Variants in CHRNA7 observed in about 807,000 individuals in gnomAD.
CHRNA7 encodes cholinergic receptor nicotinic alpha 7 subunit, also known as neuronal acetylcholine receptor subunit alpha-7.
In CHRNA7, 17 loss-of-function variants were observed where a neutral mutation model predicts 48.0. The observed-to-expected ratio is 0.35, with a 90% CI of 0.24 to 0.53. The LOEUF is 0.53. Ranked by LOEUF, CHRNA7 falls within the 20% of genes least tolerant of loss-of-function variation. CHRNA7 has a pLI of 0.92. For missense variants in CHRNA7, 155 were observed against 577.7 expected, an observed-to-expected ratio of 0.27 and a Z score of 7.50; for synonymous variants, 75 against 242.3, an observed-to-expected ratio of 0.31 and a Z score of 6.41.
intron 2 of CHRNA7, among the ~76,000 whole-genome samples, chr15:32,083,598 G>A (rs1385901802): frequency 6.6e-6 from 1 of 152,124 alleles, no homozygotes; most frequent in Non-Finnish European, 1.5e-5. Flanking sequence ...GATGGTGTGG[G>A]ACAGAAATTC....
chr15:32,081,032 G>T (rs900538257), intron 2 of CHRNA7, among the ~76,000 whole-genome samples: 3 of 152,152 alleles, frequency 2.0e-5, no homozygotes, highest in African/African-American at 7.2e-5. Flanking sequence ...GCAAACTAAT[G>T]CAGGAACAGA....
chr15:32,115,525 C>T (rs1297324291), intron 4 of CHRNA7, among the ~76,000 whole-genome samples: 1 of 152,058 alleles, frequency 6.6e-6, no homozygotes, highest in East Asian at 1.9e-4. Flanking sequence ...CTCTCCAGCC[C>T]TACTGCTTGT....
intron 2 of CHRNA7, among the ~76,000 whole-genome samples, chr15:32,096,178 G>A (rs1401353058): frequency 5.3e-5 from 8 of 152,190 alleles, no homozygotes; most frequent in South Asian, 2.1e-4. Flanking sequence ...GCCAAAATGC[G>A]TTGTTTGCGT....
chr15:32,124,518 A>T (rs1242634356), intron 4 of CHRNA7, among the ~76,000 whole-genome samples: 1 of 152,240 alleles, frequency 6.6e-6, no homozygotes, highest in Non-Finnish European at 1.5e-5. Flanking sequence ...ATTTGTATCT[A>T]ACAAATATTT....
intron 4 of CHRNA7, among the ~76,000 whole-genome samples, chr15:32,125,540 T>TC (rs5811683): frequency 0.57 from 86,960 of 151,912 alleles, 25,553 homozygotes; most frequent in African/African-American, 0.7. Context: ...GCTGCAGTCT[T>TC]CTGGGGTCAA....
intron 4 of CHRNA7, among the ~76,000 whole-genome samples, chr15:32,122,298 G>T (rs371837580): frequency 1.4e-4 from 21 of 152,236 alleles, no homozygotes; most frequent in African/African-American, 5.1e-4. Context: ...AGCACCCTTA[G>T]ATTAAAAATA....
chr15:32,044,998 C>T (rs1395214912), intron 2 of CHRNA7, among the ~76,000 whole-genome samples: 1 of 152,214 alleles, frequency 6.6e-6, no homozygotes, highest in Admixed American at 6.5e-5. Flanking sequence ...TCCTTGAATT[C>T]TCTCATTGTG....
At chr15:32,118,707 A>ACT (rs756939027) in intron 4 of CHRNA7, among the ~76,000 whole-genome samples, 12 of 152,208 alleles carry the variant, frequency 7.9e-5, no homozygotes, top group Non-Finnish European at 1.6e-4. Context: ...TGTTCTGGGA[A>ACT]CTAAGGATTC....
At chr15:32,096,696 C>G (rs2050474849) in intron 2 of CHRNA7, among the ~76,000 whole-genome samples, 1 of 151,784 alleles carries the variant, frequency 6.6e-6, no homozygotes, top group South Asian at 2.1e-4. Flanking sequence ...ATGATGTTAC[C>G]CAGTAATTCA....
chr15:32,045,433 G>A (rs1566799004), intron 2 of CHRNA7, among the ~76,000 whole-genome samples: 1 of 152,160 alleles, frequency 6.6e-6, no homozygotes, highest in East Asian at 1.9e-4. Context: ...GAGAAGATAC[G>A]AAGATGGGCT....
Position 32,151,492 on chromosome 15 carries a change from TG to T in CHRNA7, c.351-2414del, listed in dbSNP as rs573201816. On this transcript the variant is annotated intron_variant, in intron 4 of 9. Transcript: ENST00000306901. ...CTTCATGCTTGGGTGGTTTTTCTGC[TG>T]TGAGAAGTGTCTTCGTGTTATTTCT... 1.3e-4 allele frequency among the ~76,000 whole-genome samples: 20 copies of T among 152,220 alleles called. No homozygotes were observed. The East Asian group carries it at 2.3e-3, about 18-fold the overall frequency.
intron 2 of CHRNA7, among the ~76,000 whole-genome samples, chr15:32,039,089 C>G (rs950327439): frequency 2.6e-5 from 4 of 151,992 alleles, no homozygotes; most frequent in African/African-American, 9.7e-5. Flanking sequence ...CTTTTAATGC[C>G]CATGGGCTGT....
intron 2 of CHRNA7, among the ~76,000 whole-genome samples, chr15:32,044,202 G>C (rs920178460): frequency 1.3e-5 from 2 of 151,914 alleles, no homozygotes; most frequent in African/African-American, 4.8e-5. Flanking sequence ...TCTGTTCCTT[G>C]GTTTCATTCA....
Position 32,035,395 on chromosome 15 carries a change from C to T in CHRNA7, c.195+4358C>T, listed in dbSNP as rs576852130. 8.5e-5 allele frequency among the ~76,000 whole-genome samples: 13 copies of T among 152,282 alleles called. No homozygotes were observed. In the East Asian group the frequency reaches 2.1e-3, roughly 25 times the overall value. On this transcript the variant is annotated intron_variant, in intron 2 of 9. Transcript: ENST00000306901. Reference sequence around the variant, plus strand: ...CAAGTTTGTTAATAATATGAACCAACATGTAATTATATACAAATGTAAAAC... The same window carrying T: ...CAAGTTTGTTAATAATATGAACCAATATGTAATTATATACAAATGTAAAAC...
intron 2 of CHRNA7, among the ~76,000 whole-genome samples, chr15:32,081,908 C>T (rs191854414): frequency 1.3e-5 from 2 of 152,202 alleles, no homozygotes; most frequent in Admixed American, 1.3e-4. Context: ...GGTGGCAACA[C>T]AATCTTTTAG....
intron 4 of CHRNA7, among the ~76,000 whole-genome samples, chr15:32,139,500 T>G (rs1414494477): frequency 1.3e-5 from 2 of 152,214 alleles, no homozygotes; most frequent in Non-Finnish European, 2.9e-5. Flanking sequence ...AGAGTTCCTG[T>G]TGCTCTGCAT....
intron 4 of CHRNA7, among the ~76,000 whole-genome samples, chr15:32,147,519 C>T (rs1020406365): frequency 2.0e-5 from 3 of 152,134 alleles, no homozygotes; most frequent in African/African-American, 7.2e-5. Context: ...CACCACTGCA[C>T]TCCAGCCTGG....
intron 2 of CHRNA7, among the ~76,000 whole-genome samples, chr15:32,071,013 G>A (rs7165673): frequency 0.97 from 148,180 of 152,208 alleles, 72,255 homozygotes; most frequent in East Asian, 1. Context: ...ATCGATGTCC[G>A]ATTGCTGCAG....
intron 4 of CHRNA7, among the ~76,000 whole-genome samples, chr15:32,140,818 T>C (rs2141337591): frequency 6.6e-6 from 1 of 152,352 alleles, no homozygotes; most frequent in East Asian, 1.9e-4. Flanking sequence ...ATTCTGGATA[T>C]TAGCCCTTTG....
Sources: allele counts gnomAD v4.1 joint callset (sites outside exome capture counted in the v4.1 genomes callset), GRCh38; gene constraint gnomAD v4.1.1; transcripts MANE v1.5; gene names NCBI Gene and HGNC (gene_info 2026-07-23, HGNC 2026-07-21).